MCF2L2: variants seen among roughly 807,000 people sequenced by gnomAD.
The protein encoded by MCF2L2 is MCF.2 cell line derived transforming sequence-like 2.
Under a neutral mutation model 150.2 loss-of-function variants are expected in MCF2L2, and 102 were observed. That is an observed-to-expected ratio of 0.68 (90% CI 0.58 to 0.80). The LOEUF (loss-of-function observed/expected upper bound fraction) is 0.80. Among genes scored for constraint, MCF2L2 ranks in the 30% least tolerant of loss-of-function variants. The pLI, the probability that MCF2L2 is intolerant of heterozygous loss-of-function variation, is 0.00. For missense variants in MCF2L2, 1,256 were observed against 1,372.8 expected, an observed-to-expected ratio of 0.91 and a Z score of 1.34; for synonymous variants, 465 against 491.3, an observed-to-expected ratio of 0.95 and a Z score of 0.71.
chr3:183,269,230 C>CTTTTTTTTTTTTTTT lies in MCF2L2; in HGVS notation c.1862+7627_1862+7641dup, dbSNP rs60835895. ...TACACGATTATAGCCGTTTGGGAAG[C>CTTTTTTTTTTTTTTT]TTTTTTTTTTTTTTTTTTAAGAGTA... On this transcript the variant is annotated intron_variant, in intron 15 of 29. Coordinates refer to ENST00000328913, the MANE Select transcript of MCF2L2 (RefSeq NM_015078.4). 1.7e-3 allele frequency among the ~76,000 whole-genome samples: 141 copies of CTTTTTTTTTTTTTTT among 80,990 alleles called. 31 individuals are homozygous for CTTTTTTTTTTTTTTT. Among genetic ancestry groups the CTTTTTTTTTTTTTTT allele is most frequent in the African/African-American group, 6.7e-3 (105 of 15,750 alleles). The allele number at this position is 80,990 out of a possible 152,430, so 53.1% of individuals were successfully genotyped here. A position where few individuals can be genotyped will look rare whatever the true frequency, so the allele number is the denominator to read the frequency against.
intron 22 of MCF2L2, among the ~76,000 whole-genome samples, chr3:183,208,878 C>A (rs1286980060): frequency 2.0e-5 from 3 of 152,202 alleles, no homozygotes; most frequent in Non-Finnish European, 4.4e-5. Flanking sequence ...ATTGACTTTA[C>A]TTCTGAAACA....
chr3:183,268,694 T>C (rs1726400720), intron 15 of MCF2L2, among the ~76,000 whole-genome samples: 1 of 152,192 alleles, frequency 6.6e-6, no homozygotes, highest in Non-Finnish European at 1.5e-5. Context: ...TATATTCCCA[T>C]TTAATTTGCA....
chr3:183,321,157 G>A (rs533789975), intron 6 of MCF2L2, among the ~76,000 whole-genome samples: 120 of 152,310 alleles, frequency 7.9e-4, no homozygotes, highest in African/African-American at 2.8e-3. Context: ...ATAACAGTTG[G>A]CCGGGTGCAG....
At chr3:183,355,284 T>C (rs1711695393) in intron 3 of MCF2L2, among the ~76,000 whole-genome samples, 1 of 152,066 alleles carries the variant, frequency 6.6e-6, no homozygotes, top group Non-Finnish European at 1.5e-5. Flanking sequence ...CTTGTGGATA[T>C]GAATGAATTC....
chr3:183,261,064 TA>T (rs1305718596), intron 15 of MCF2L2, among the ~76,000 whole-genome samples: 1 of 152,244 alleles, frequency 6.6e-6, no homozygotes, highest in East Asian at 1.9e-4. Context: ...TGTTTCACCT[TA>T]AAATGTGAGT....
At chr3:183,381,838 T>C (rs1713543141) in intron 2 of MCF2L2, among the ~76,000 whole-genome samples, 1 of 152,224 alleles carries the variant, frequency 6.6e-6, no homozygotes, top group Non-Finnish European at 1.5e-5. Context: ...CATCTAATAA[T>C]ATTCTTCCTC....
chr3:183,285,963 T>C (rs919181722), intron 14 of MCF2L2, among the ~76,000 whole-genome samples: 1 of 152,142 alleles, frequency 6.6e-6, no homozygotes, highest in Non-Finnish European at 1.5e-5. Context: ...GAACAGGAAA[T>C]AGTCACATCA....
intron 25 of MCF2L2, 65 bp downstream of exon 25, chr3:183,205,811 G>T: frequency 1.7e-6 from 2 of 1,203,276 alleles, no homozygotes; most frequent in Non-Finnish European, 2.4e-6. Flanking sequence ...TCCCCAATTT[G>T]CACATCCCCC....
rs16857226 is a variant in MCF2L2 at position 183,272,556 on chromosome 3, C to T, written c.1862+4316G>A. The stretch of plus-strand genomic sequence containing the variant: ...TATTTTGAAATTTGAGGCTTGTTTA[C>T]ATTGCTTAGATAATTTAGAATTTTT... On this transcript the variant is annotated intron_variant, in intron 15 of 29. Coordinates refer to ENST00000328913, the MANE Select transcript of MCF2L2 (RefSeq NM_015078.4). 6.9e-3 allele frequency: 6,880 copies of T among 992,132 alleles called. 373 individuals are homozygous for T. In the African/African-American group the frequency reaches 0.11, roughly 16 times the overall value. 61.5% of individuals were successfully genotyped at this position (992,132 alleles called of 1,614,324 possible).
intron 1 of MCF2L2, among the ~76,000 whole-genome samples, chr3:183,417,007 G>A (rs1715625555): frequency 6.6e-6 from 1 of 150,468 alleles, no homozygotes; most frequent in East Asian, 2.0e-4. Context: ...AGCTACTCAG[G>A]AGGCTGAGGC....
rs1043974040 is a variant in MCF2L2, at chr3:183,391,778, G to A, written c.77-1999C>T. Among the ~76,000 whole-genome samples the A allele has an allele frequency of 1.2e-4, 18 of 152,174 alleles. 1 individual carries two copies. Among genetic ancestry groups the A allele is most frequent in the Admixed American group, 9.2e-4 (14 of 15,282 alleles). ...CAACATAGAGAATTTCAGCAGAAAC[G>A]GAAGTTATGTAATTAAAGAGTTTTC... On this transcript the variant is annotated intron_variant, in intron 1 of 29. Transcript: ENST00000328913.
chr3:183,210,294 TAAAAG>T (rs1388462275), intron 22 of MCF2L2, among the ~76,000 whole-genome samples: 4 of 151,906 alleles, frequency 2.6e-5, no homozygotes, highest in Non-Finnish European at 5.9e-5. Context: ...GTGTAGAAGA[TAAAAG>T]AAAAGATGAA....
rs1488157894 is a variant in MCF2L2 at position 183,305,553 on chromosome 3, T to C, written c.1113+4163A>G. 6.6e-6 allele frequency among the ~76,000 whole-genome samples: 1 copy of C among 152,098 alleles called. No individual in the cohort carries two copies. The highest frequency in any genetic ancestry group is 1.5e-5 in the Non-Finnish European group (1 of 68,012). On this transcript the variant is annotated intron_variant, in intron 10 of 29. Coordinates refer to ENST00000328913, the MANE Select transcript of MCF2L2 (RefSeq NM_015078.4). This position sits in a 1 kb window ranked among gnomAD's most constrained non-coding sequence, Gnocchi z 4.1. The stretch of plus-strand genomic sequence containing the variant: ...AAATGGGTCTAGGGAGAAACGCCCA[T>C]AAAGGCAACTGAGGAGGCCGGGCGC...
chr3:183,402,867 A>T (rs34651370), intron 1 of MCF2L2, among the ~76,000 whole-genome samples: 39,516 of 139,796 alleles, frequency 0.28, 5,968 homozygotes, highest in Non-Finnish European at 0.37. Context: ...ATAGACAAAA[A>T]ATATATATAT....
Position 183,379,282 on chromosome 3 carries a change from C to T in MCF2L2, c.275+15G>A, listed in dbSNP as rs761862095. 5 of 1,584,410 alleles carry T rather than the reference C, an allele frequency of 3.2e-6. No individual in the cohort carries two copies. In the Admixed American group the frequency reaches 7.1e-5, roughly 23 times the overall value. ...AGCCAGTGCCTAAGGCGGCAGGACA[C>T]TGTGCTCAGCTCACCTGGGGATGCT... On this transcript the variant is annotated intron_variant, in intron 3 of 29. Transcript: ENST00000328913.
chr3:183,324,080 A>T (rs1729927992), intron 5 of MCF2L2, among the ~76,000 whole-genome samples: 1 of 152,168 alleles, frequency 6.6e-6, no homozygotes, highest in South Asian at 2.1e-4. Context: ...GGTCGGGTAA[A>T]TGTGAAAATA....
In MCF2L2 at chr3:183,270,128, G is replaced by A. The variant is rs780423909; in HGVS notation, c.1862+6744C>T. 18 of 1,614,006 alleles carry A rather than the reference G, an allele frequency of 1.1e-5. No individual in the cohort carries two copies. Among genetic ancestry groups the A allele is most frequent in the South Asian group, 2.2e-5 (2 of 91,076 alleles). On this transcript the variant is annotated intron_variant, in intron 15 of 29. Transcript: ENST00000328913. This position sits in a 1 kb window ranked among gnomAD's most constrained non-coding sequence, Gnocchi z 4.5. ...ATCGACGTTCCGGAATTAGAAGGAC[G>A]TGGGGCAATGAAAATTATGTTCGGT... is the stretch of plus-strand genomic sequence containing the variant.
At chr3:183,251,344 C>T (rs1008750320) in intron 15 of MCF2L2, among the ~76,000 whole-genome samples, 16 of 152,200 alleles carry the variant, frequency 1.1e-4, no homozygotes, top group East Asian at 3.8e-4. Context: ...CTTCCTTGGG[C>T]CCCTGTTGCT....
intron 3 of MCF2L2, chr3:183,377,042 T>C (rs183393171): frequency 1.3e-5 from 2 of 152,350 alleles, no homozygotes; most frequent in East Asian, 3.9e-4. Context: ...TTTAAATTTT[T>C]ACTTTAAGTT....
Sources: allele counts gnomAD v4.1 joint callset (sites outside exome capture counted in the v4.1 genomes callset), GRCh38; gene constraint gnomAD v4.1.1; non-coding constraint Gnocchi (gnomAD v3.1); transcripts MANE v1.5; gene names NCBI Gene and HGNC (gene_info 2026-07-23, HGNC 2026-07-21).